CDK14: variants seen among roughly 807,000 people sequenced by gnomAD.
CDK14 encodes the protein cyclin-dependent kinase 14.
Under a neutral mutation model 60.7 loss-of-function variants are expected in CDK14, and 34 were observed. That is an observed-to-expected ratio of 0.56 (90% CI 0.43 to 0.75). CDK14 has a LOEUF of 0.75. Ranked by LOEUF, CDK14 falls within the 30% of genes least tolerant of loss-of-function variation. The probability of loss-of-function intolerance (pLI) is 0.00; values close to 1 mark genes in which losing one functional copy is unlikely to be tolerated. For missense variants in CDK14, 482 were observed against 564.1 expected, an observed-to-expected ratio of 0.85 and a Z score of 1.47; for synonymous variants, 197 against 203.7, an observed-to-expected ratio of 0.97 and a Z score of 0.28.
intron 10 of CDK14, among the ~76,000 whole-genome samples, chr7:91,013,656 G>GTTTTTTTTTTTTTTTT (rs56934476): frequency 7.2e-4 from 89 of 123,338 alleles, no homozygotes; most frequent in African/African-American, 1.5e-3. Flanking sequence ...CATTGCCTCT[G>GTTTTTTTTTTTTTTTT]TTTTTTTTTT....
intron 11 of CDK14, among the ~76,000 whole-genome samples, chr7:91,050,574 C>G (rs1797362434): frequency 6.6e-6 from 1 of 152,104 alleles, no homozygotes; most frequent in South Asian, 2.1e-4. Context: ...CCATAGCAAC[C>G]AGGCAACTAC....
chr7:91,051,924 C>T (rs888881276), intron 11 of CDK14, among the ~76,000 whole-genome samples: 1 of 152,156 alleles, frequency 6.6e-6, no homozygotes, highest in African/African-American at 2.4e-5. Context: ...ACAGACTTAT[C>T]ATTTTTAAAA....
At chr7:91,040,307 T>C (rs1174647671) in intron 10 of CDK14, among the ~76,000 whole-genome samples, 1 of 152,142 alleles carries the variant, frequency 6.6e-6, no homozygotes, top group African/African-American at 2.4e-5. Flanking sequence ...TCTCTCTGGC[T>C]CTTCTGGGAA....
At chr7:90,620,312 ATTTCT>A (rs1799739655) in intron 2 of CDK14, among the ~76,000 whole-genome samples, 2 of 152,058 alleles carry the variant, frequency 1.3e-5, no homozygotes, top group Middle Eastern at 3.2e-3. Context: ...TTTCTTTGAG[ATTTCT>A]TTTATTTTTG....
intron 14 of CDK14, among the ~76,000 whole-genome samples, chr7:91,193,586 G>T (rs144314314): frequency 6.6e-6 from 1 of 152,132 alleles, no homozygotes; most frequent in Non-Finnish European, 1.5e-5. Flanking sequence ...ATTAAAGGAA[G>T]TGAATGGAAG....
chr7:90,848,759 A>T (rs1790550426), intron 5 of CDK14, among the ~76,000 whole-genome samples: 1 of 152,174 alleles, frequency 6.6e-6, no homozygotes, highest in Non-Finnish European at 1.5e-5. Flanking sequence ...CCAATCAATG[A>T]ATCTGTATTC....
intron 14 of CDK14, among the ~76,000 whole-genome samples, chr7:91,160,720 T>G (rs996936628): frequency 3.3e-5 from 5 of 152,152 alleles, no homozygotes; most frequent in Admixed American, 3.3e-4. Flanking sequence ...CCATGCTTGC[T>G]ATTTCCTTTT....
At chr7:91,105,902 GA>G in intron 12 of CDK14, among the ~76,000 whole-genome samples, 1 of 152,238 alleles carries the variant, frequency 6.6e-6, no homozygotes, top group Non-Finnish European at 1.5e-5. Flanking sequence ...AATGAACAGG[GA>G]AAATAGCATA....
chr7:90,639,017 T>C (rs1185595908), intron 2 of CDK14, among the ~76,000 whole-genome samples: 1 of 152,196 alleles, frequency 6.6e-6, no homozygotes, highest in African/African-American at 2.4e-5. Flanking sequence ...TTGGTTATTC[T>C]AGTTATACAT....
At chr7:90,838,629 A>C (rs896494744) in intron 5 of CDK14, among the ~76,000 whole-genome samples, 1 of 152,142 alleles carries the variant, frequency 6.6e-6, no homozygotes, top group African/African-American at 2.4e-5. Context: ...GTAGGTCTAT[A>C]GATAGCCGCT....
In CDK14 at chr7:90,808,639, G is replaced by A. The variant is rs376141080; in HGVS notation, c.544+17987G>A. Reference sequence around the variant, plus strand: ...AGATATTAACCTTAAATGTAAATGGGCTAAATGCTCCAATTAAAAGACACA... The same window carrying A: ...AGATATTAACCTTAAATGTAAATGGACTAAATGCTCCAATTAAAAGACACA... On this transcript the variant is annotated intron_variant, in intron 5 of 14. Coordinates refer to ENST00000380050, the MANE Select transcript of CDK14 (RefSeq NM_001287135.2). Among the ~76,000 whole-genome samples, 149 of 152,226 alleles carry A rather than the reference G, an allele frequency of 9.8e-4. 1 individual carries two copies. The Middle Eastern group carries it at 0.014, about 14-fold the overall frequency.
intron 5 of CDK14, among the ~76,000 whole-genome samples, chr7:90,825,355 C>T (rs1423086947): frequency 6.6e-6 from 1 of 152,032 alleles, no homozygotes; most frequent in African/African-American, 2.4e-5. Flanking sequence ...TGTAAAGGGC[C>T]CTGTAGGACC....
chr7:91,012,413 T>A (rs1796188019), intron 10 of CDK14, among the ~76,000 whole-genome samples: 1 of 152,190 alleles, frequency 6.6e-6, no homozygotes, highest in Non-Finnish European at 1.5e-5. Context: ...TCTTCATAGT[T>A]TTCTCTTGGT....
At chr7:90,907,285 T>C (rs1792739494) in intron 7 of CDK14, among the ~76,000 whole-genome samples, 1 of 152,038 alleles carries the variant, frequency 6.6e-6, no homozygotes. Flanking sequence ...CATAGTTGAA[T>C]ATAGAACTTG....
At chr7:91,012,756 C>G (rs1796196641) in intron 10 of CDK14, among the ~76,000 whole-genome samples, 1 of 152,088 alleles carries the variant, frequency 6.6e-6, no homozygotes, top group Admixed American at 6.5e-5. Context: ...GTGACTGATT[C>G]TTTATGTCCC....
intron 5 of CDK14, among the ~76,000 whole-genome samples, chr7:90,810,219 C>G (rs1487439393): frequency 6.6e-6 from 1 of 152,144 alleles, no homozygotes; most frequent in Admixed American, 6.5e-5. Context: ...CAGAAATCCT[C>G]AATAAAATAC....
At chr7:90,695,289 A>T (rs552972726) in intron 2 of CDK14, among the ~76,000 whole-genome samples, 1 of 152,144 alleles carries the variant, frequency 6.6e-6, no homozygotes. Context: ...CCCTGACATT[A>T]TGAGGTCCTA....
chr7:91,045,565 C>T (rs993803528), intron 10 of CDK14, among the ~76,000 whole-genome samples: 10 of 152,082 alleles, frequency 6.6e-5, no homozygotes, highest in African/African-American at 2.2e-4. Flanking sequence ...ATGAAAGAAT[C>T]ATGAGGGACA....
At chr7:91,100,202 C>A (rs1799111667) in intron 12 of CDK14, among the ~76,000 whole-genome samples, 1 of 152,106 alleles carries the variant, frequency 6.6e-6, no homozygotes, top group South Asian at 2.1e-4. Flanking sequence ...TCTGATAAAT[C>A]ATAGGAGAAG....
Sources: gnomAD v4.1 joint callset for allele counts (sites outside exome capture counted in the v4.1 genomes callset) on GRCh38, gnomAD v4.1.1 for gene constraint, MANE v1.5 for transcripts, NCBI Gene and HGNC (gene_info 2026-07-23, HGNC 2026-07-21) for gene names.